Variants in ELFN2 observed in about 807,000 individuals in gnomAD.
The protein encoded by ELFN2 is protein phosphatase 1 regulatory subunit 29.
Under a neutral mutation model 45.5 loss-of-function variants are expected in ELFN2, and 17 were observed. The observed-to-expected ratio is 0.37, with a 90% CI of 0.26 to 0.56. The LOEUF (loss-of-function observed/expected upper bound fraction) is 0.56, where lower values mean the gene tolerates loss of function less well. Ranked by LOEUF, ELFN2 falls within the 20% of genes least tolerant of loss-of-function variation. ELFN2 has a pLI of 0.77. For missense variants in ELFN2, 922 were observed against 1,183.2 expected (o/e 0.78, Z 3.24); for synonymous variants, 550 against 551.5 (o/e 1.00, Z 0.04).
chr22:37,355,571 C>T (rs1408081079), intron 1 of ELFN2, among the ~76,000 whole-genome samples: 3 of 152,134 alleles, frequency 2.0e-5, no homozygotes, highest in Admixed American at 2.0e-4. Context: ...CCTGAGCACC[C>T]ATCGATTGTG....
At position 37,375,523 on chromosome 22, in the gene ELFN2, C is replaced by A. The variant is rs1180193037; in HGVS notation, c.12G>T (p.Leu4=). The part of the protein sequence containing the change: MLR[L]GLCAAALLCV... ...ACAGCAGCGCCGCCGCGCACAGCCC[C>A]AGGCGCAGCATGGCGCTGGCCTCGG... Residue 4 remains leucine (L), a synonymous_variant, in exon 3 of 3, where the codon CTG becomes CTT. Coordinates refer to ENST00000402918, the MANE Select transcript of ELFN2 (RefSeq NM_052906.5). The A allele has an allele frequency of 6.4e-7, 1 of 1,556,250 alleles. No homozygotes were observed. The highest frequency in any genetic ancestry group is 1.4e-5 in the African/African-American group (1 of 73,326).
chr22:37,402,312 G>A (rs797018570), intron 2 of ELFN2, among the ~76,000 whole-genome samples: 3 of 152,300 alleles, frequency 2.0e-5, no homozygotes, highest in South Asian at 4.1e-4. Context: ...CCTGTGGTTC[G>A]GTTTTGTTGG....
At chr22:37,348,015 C>G (rs527563454) in intron 1 of ELFN2, among the ~76,000 whole-genome samples, 1 of 152,308 alleles carries the variant, frequency 6.6e-6, no homozygotes, top group African/African-American at 2.4e-5. Flanking sequence ...CTGAACTCTA[C>G]CCCTGGGGAT....
rs1216767631 is a variant in ELFN2 at position 37,373,287 on chromosome 22, G to A, written c.2248C>T (p.His750Tyr). 6.2e-7 allele frequency: 1 copy of A among 1,613,784 alleles called. No homozygotes were observed. Among genetic ancestry groups the A allele is most frequent in the East Asian group, 2.2e-5 (1 of 44,886 alleles). The stretch of plus-strand genomic sequence containing the variant: ...CTGGAGGAGTACCCTGAGTAGTAGT[G>A]TCTGGGGGAGAGCTGCGAGTAGGTG... ...DSTYSQLSPR[H>Y]YYSGYSSSPE... The change falls in exon 3 of 3, where the codon CAC becomes TAC. Residue 750 changes from histidine (H) to tyrosine (Y), a missense_variant. Physicochemically the swap from His to Tyr is moderately conservative, Grantham distance 83. Around this residue, in one of 2 missense-constraint regions of ELFN2, gnomAD observed 564 missense variants for 642.8 expected, o/e 0.88. Coordinates refer to ENST00000402918, the MANE Select transcript of ELFN2 (RefSeq NM_052906.5).
chr22:37,391,944 G>A (rs1390967751), intron 2 of ELFN2, among the ~76,000 whole-genome samples: 1 of 152,190 alleles, frequency 6.6e-6, no homozygotes, highest in Non-Finnish European at 1.5e-5. Context: ...GGCAGTGACC[G>A]GCCCCCTCAG....
chr22:37,373,499 A>G lies in ELFN2; in HGVS notation c.2036T>C (p.Leu679Pro), dbSNP rs1220355522. 12 of 1,538,318 alleles carry G rather than the reference A, an allele frequency of 7.8e-6. No individual in the cohort carries two copies. Among genetic ancestry groups the G allele is most frequent in the African/African-American group, 1.4e-5 (1 of 72,884 alleles). ...GCCCCCGCCGCTGCCCGCCGGCACC[A>G]GCGGGAGCCGGTCCAGCGGGCTGTT... ...PLNSPLDRLP[L>P]VPAGSGGGSG... is the part of the protein sequence containing the mutation. Residue 679 changes from leucine to proline, a missense_variant, in exon 3 of 3, where the codon CTG (leucine) becomes CCG (proline). Transcript: ENST00000402918.
chr22:37,373,989 G>A lies in ELFN2; in HGVS notation c.1546C>T (p.Arg516Trp), dbSNP rs1176421625. Residue 516 changes from arginine (R) to tryptophan (W), a missense_variant, in exon 3 of 3, where the codon CGG becomes TGG. Arg to Trp is a moderately radical substitution (Grantham distance 101). This residue lies in a region of ELFN2 where 564 missense variants were observed against 642.8 expected (regional missense o/e 0.88). Transcript: ENST00000402918. ...AGGTCCGGGAGGTCATCCTCGGGCC[G>A]AGCCAGACCGTCCCCGCCGGCGCCT... ...RTGAGGDGLA[R>W]PEDDLPDLEN... 15 of 1,612,910 alleles carry A rather than the reference G, an allele frequency of 9.3e-6. No individual in the cohort carries two copies. The highest frequency in any genetic ancestry group is 1.3e-5 in the African/African-American group (1 of 74,934).
At chr22:37,348,767 G>A (rs930042172) in intron 1 of ELFN2, among the ~76,000 whole-genome samples, 1 of 150,776 alleles carries the variant, frequency 6.6e-6, no homozygotes, top group Non-Finnish European at 1.5e-5. Flanking sequence ...GAGGGACCTG[G>A]GGAGGGGGAA....
At chr22:37,402,917 G>C (rs1685237455) in intron 2 of ELFN2, among the ~76,000 whole-genome samples, 1 of 152,098 alleles carries the variant, frequency 6.6e-6, no homozygotes, top group Admixed American at 6.5e-5. Flanking sequence ...TAGGAGACGG[G>C]GGTTAGAGGT....
At chr22:37,393,292 G>C (rs1344220530) in intron 2 of ELFN2, among the ~76,000 whole-genome samples, 1 of 152,234 alleles carries the variant, frequency 6.6e-6, no homozygotes. Flanking sequence ...AATGGAAGCC[G>C]ATCCTCTCTG....
In ELFN2 at chr22:37,417,488, G is replaced by A. The variant is rs1263732539; in HGVS notation, c.-463+281C>T. On this transcript the variant is annotated intron_variant, in intron 2 of 2. Transcript: ENST00000402918. The surrounding 1 kb of genome is among the most constrained non-coding windows in gnomAD (Gnocchi z 4.5). Reference sequence around the variant, plus strand: ...AGCCTCTCTGCCGGGTGATGGGGCAGGAGCTGGGGTCCTTGAGCCAACAGG... The same window carrying A: ...AGCCTCTCTGCCGGGTGATGGGGCAAGAGCTGGGGTCCTTGAGCCAACAGG... Among the ~76,000 whole-genome samples, 2 of 152,250 alleles carry A rather than the reference G, an allele frequency of 1.3e-5. No individual in the cohort carries two copies. The highest frequency in any genetic ancestry group is 4.8e-5 in the African/African-American group (2 of 41,474).
At chr22:37,402,933 G>C (rs1932401898) in intron 2 of ELFN2, among the ~76,000 whole-genome samples, 1 of 152,106 alleles carries the variant, frequency 6.6e-6, no homozygotes. Flanking sequence ...GAGGTGGCCT[G>C]TTCCCTTCAG....
chr22:37,392,014 A>C (rs1210894959), intron 2 of ELFN2, among the ~76,000 whole-genome samples: 1 of 152,234 alleles, frequency 6.6e-6, no homozygotes, highest in African/African-American at 2.4e-5. Context: ...AAGGAGGAGG[A>C]AAAGGATAAC....
intron 2 of ELFN2, among the ~76,000 whole-genome samples, chr22:37,405,836 G>T (rs1032082404): frequency 5.3e-5 from 8 of 149,542 alleles, no homozygotes; most frequent in African/African-American, 2.0e-4. Flanking sequence ...AAAAAAAAGG[G>T]TGGAGGGGGG....
intron 2 of ELFN2, among the ~76,000 whole-genome samples, chr22:37,376,472 T>A (rs1931590389): frequency 6.6e-6 from 1 of 152,138 alleles, no homozygotes; most frequent in Non-Finnish European, 1.5e-5. Context: ...CGTGTCCACG[T>A]ACCCAAGCGG....
At chr22:37,355,732 G>C (rs1196945656) in intron 1 of ELFN2, among the ~76,000 whole-genome samples, 1 of 152,184 alleles carries the variant, frequency 6.6e-6, no homozygotes, top group African/African-American at 2.4e-5. Flanking sequence ...GTGGCCGGGG[G>C]AGCCTCTCCA....
chr22:37,358,329 C>G (rs1930998249), intron 1 of ELFN2, among the ~76,000 whole-genome samples: 1 of 152,220 alleles, frequency 6.6e-6, no homozygotes, highest in South Asian at 2.1e-4. Flanking sequence ...GGCACAAAAC[C>G]TTTACTCAAG....
intron 1 of ELFN2, among the ~76,000 whole-genome samples, chr22:37,343,594 C>G (rs570106850): frequency 6.6e-6 from 1 of 152,084 alleles, no homozygotes; most frequent in African/African-American, 2.4e-5. Flanking sequence ...GCTCCCTCCT[C>G]AGTGCTCCCG....
In ELFN2 at chr22:37,372,679, C is replaced by G. The variant is rs1426394230; in HGVS notation, c.*393G>C. On this transcript the variant is annotated 3_prime_UTR_variant, in exon 3 of 3. Transcript: ENST00000402918. The surrounding 1 kb of genome is among the most constrained non-coding windows in gnomAD (Gnocchi z 4.4). ...AGAGGGGCTTCAGTCCCTCTCTACT[C>G]CAGCTTTCTTGACCCCCACACCTGT... is the stretch of plus-strand genomic sequence containing the variant. 1.2e-5 allele frequency: 2 copies of G among 171,156 alleles called. No homozygotes were observed. The highest frequency in any genetic ancestry group is 3.4e-4 in the East Asian group (2 of 5,874). 10.6% of individuals were successfully genotyped at this position (171,156 alleles called of 1,614,324 possible). A position where few individuals can be genotyped will look rare whatever the true frequency, so the allele number is the denominator to read the frequency against.
Sources: gnomAD v4.1 joint callset for allele counts (sites outside exome capture counted in the v4.1 genomes callset) on GRCh38, gnomAD v4.1.1 for gene constraint, gnomAD v4.1.1 regional missense constraint, Gnocchi (gnomAD v3.1) non-coding constraint, MANE v1.5 for transcripts, NCBI Gene and HGNC (gene_info 2026-07-23, HGNC 2026-07-21) for gene names.